The following EFR3A variants were observed in gnomAD, a reference collection of about 807,000 sequenced individuals.
The protein encoded by EFR3A is EFR3 homolog A.
A neutral mutation model predicts 104.4 loss-of-function variants in EFR3A; 76 were observed. That is an observed-to-expected ratio of 0.73 (90% CI 0.60 to 0.88). The LOEUF (loss-of-function observed/expected upper bound fraction) is 0.88, where lower values mean the gene tolerates loss of function less well. Ranked by LOEUF, EFR3A falls within the 40% of genes least tolerant of loss-of-function variation. EFR3A has a pLI of 0.00. For synonymous variants in EFR3A, 330 were observed against 330.0 expected (o/e 1.00, Z 0.00); for missense variants, 985 against 1,012.5 (o/e 0.97, Z 0.37).
chr8:131,949,886 A>C (rs1157352148), intron 4 of EFR3A, 83 bp from the exon 5 acceptor site: 4 of 1,195,330 alleles, frequency 3.3e-6, no homozygotes, highest in African/African-American at 1.6e-5. Context: ...ATTGCTTGTT[A>C]ATATGACAGT....
intron 22 of EFR3A, among the ~76,000 whole-genome samples, chr8:132,010,249 C>T (rs1822260886): frequency 6.6e-6 from 1 of 151,460 alleles, no homozygotes; most frequent in South Asian, 2.1e-4. Flanking sequence ...TTTGAGTACA[C>T]TTTGATGCAG....
At chr8:131,906,425 T>C (rs555182500) in intron 1 of EFR3A, among the ~76,000 whole-genome samples, 52 of 152,222 alleles carry the variant, frequency 3.4e-4, no homozygotes, top group Non-Finnish European at 6.8e-4. Flanking sequence ...GTACGAGTTT[T>C]AATTAAAATC....
At chr8:131,971,922 C>T (rs1480553735) in intron 10 of EFR3A, among the ~76,000 whole-genome samples, 2 of 152,138 alleles carry the variant, frequency 1.3e-5, no homozygotes, top group Non-Finnish European at 2.9e-5. Flanking sequence ...GGATATTCTG[C>T]TTTTCATCCA....
intron 19 of EFR3A, among the ~76,000 whole-genome samples, chr8:132,001,469 T>C (rs1821777748): frequency 6.6e-6 from 1 of 152,214 alleles, no homozygotes; most frequent in African/African-American, 2.4e-5. Context: ...GTACTGGGAC[T>C]GAGTTCTGTA....
At chr8:132,000,941 G>C (rs1821756244) in intron 19 of EFR3A, 1 of 152,144 alleles carries the variant, frequency 6.6e-6, no homozygotes, top group Non-Finnish European at 1.5e-5. Context: ...TAGTCTTGCT[G>C]CCTTAGACTT....
chr8:132,009,288 CATCTT>C (rs1822201369), intron 22 of EFR3A, among the ~76,000 whole-genome samples: 3 of 151,936 alleles, frequency 2.0e-5, no homozygotes, highest in African/African-American at 7.3e-5. Context: ...TAAATGGAAA[CATCTT>C]ATTCTTGAAT....
intron 14 of EFR3A, among the ~76,000 whole-genome samples, chr8:131,982,118 C>G (rs1486472276): frequency 6.6e-6 from 1 of 152,088 alleles, no homozygotes; most frequent in African/African-American, 2.4e-5. Context: ...CCATCCTCTC[C>G]CCTACAGGTA....
At chr8:132,002,009 C>T (rs971087190) in intron 20 of EFR3A, among the ~76,000 whole-genome samples, 3 of 152,118 alleles carry the variant, frequency 2.0e-5, no homozygotes, top group Non-Finnish European at 4.4e-5. Context: ...TATTCCTGAA[C>T]AAACAGACAC....
intron 22 of EFR3A, among the ~76,000 whole-genome samples, chr8:132,006,210 CTAAG>C (rs1246889452): frequency 6.6e-6 from 1 of 151,924 alleles, no homozygotes; most frequent in East Asian, 1.9e-4. Context: ...ATAAGCTAAA[CTAAG>C]TATATCAGAA....
At chr8:131,942,466 G>A (rs1373601199) in intron 2 of EFR3A, among the ~76,000 whole-genome samples, 3 of 151,984 alleles carry the variant, frequency 2.0e-5, no homozygotes, top group Non-Finnish European at 4.4e-5. Context: ...AAAATTAGTA[G>A]CCAGATGATC....
chr8:131,960,588 G>T (rs537122704), intron 8 of EFR3A, among the ~76,000 whole-genome samples: 1 of 152,252 alleles, frequency 6.6e-6, no homozygotes, highest in East Asian at 1.9e-4. Context: ...ACTTTGGATA[G>T]CTTTGAGTGT....
chr8:131,928,308 G>C (rs536811049), intron 1 of EFR3A, among the ~76,000 whole-genome samples: 1 of 152,062 alleles, frequency 6.6e-6, no homozygotes, highest in Admixed American at 6.6e-5. Flanking sequence ...TTATACGTTC[G>C]ACATTAAATG....
At chr8:131,941,972 C>T (rs1818190878) in intron 2 of EFR3A, among the ~76,000 whole-genome samples, 1 of 152,052 alleles carries the variant, frequency 6.6e-6, no homozygotes, top group African/African-American at 2.4e-5. Context: ...TTTGAAATTT[C>T]AGATGTTATC....
At chr8:131,928,906 G>A (rs1817443379) in intron 1 of EFR3A, among the ~76,000 whole-genome samples, 1 of 151,802 alleles carries the variant, frequency 6.6e-6, no homozygotes, top group Admixed American at 6.6e-5. Flanking sequence ...CAATCCTTTT[G>A]TAATTTTCTT....
intron 1 of EFR3A, among the ~76,000 whole-genome samples, chr8:131,914,847 C>T (rs182826704): frequency 1.2e-4 from 19 of 152,168 alleles, no homozygotes; most frequent in East Asian, 7.7e-4. Context: ...GTCCATTGTT[C>T]CTTTCTTGGC....
chr8:131,934,959 T>A lies in EFR3A; in HGVS notation c.11-5540T>A, dbSNP rs144889729. On this transcript the variant is annotated intron_variant, in intron 1 of 22. Transcript: ENST00000254624. ...CTGAATGAGTAACTGGACTTTTAAT[T>A]TTAACCTTGGAGGGAATATATGTGA... 3.4e-3 allele frequency among the ~76,000 whole-genome samples: 524 copies of A among 152,282 alleles called. 3 individuals are homozygous for A. Among genetic ancestry groups the A allele is most frequent in the Non-Finnish European group, 5.5e-3 (373 of 68,008 alleles).
intron 22 of EFR3A, among the ~76,000 whole-genome samples, chr8:132,008,257 T>C (rs1267476823): frequency 6.6e-6 from 1 of 152,102 alleles, no homozygotes; most frequent in African/African-American, 2.4e-5. Flanking sequence ...GTAGTTGTTT[T>C]ACAAAAGGAA....
chr8:131,990,517 A>G (rs10098403), intron 18 of EFR3A, among the ~76,000 whole-genome samples: 2 of 152,316 alleles, frequency 1.3e-5, no homozygotes, highest in East Asian at 3.9e-4. Context: ...TAGAGTAACA[A>G]CAGACTTCAG....
chr8:132,003,888 C>A (rs551683352), intron 22 of EFR3A, among the ~76,000 whole-genome samples: 13 of 152,174 alleles, frequency 8.5e-5, no homozygotes, highest in Non-Finnish European at 1.8e-4. Context: ...CATAGTCTTA[C>A]ATTGACTTCA....
Sources: allele counts gnomAD v4.1 joint callset (sites outside exome capture counted in the v4.1 genomes callset), GRCh38; gene constraint gnomAD v4.1.1; transcripts MANE v1.5; gene names NCBI Gene and HGNC (gene_info 2026-07-23, HGNC 2026-07-21).